Variants in MGAT4C observed in about 807,000 individuals in gnomAD.
MGAT4C encodes the protein alpha-1,3-mannosyl-glycoprotein 4-beta-N-acetylglucosaminyltransferase C.
In MGAT4C, 19 loss-of-function variants were observed where a neutral mutation model predicts 40.1. The ratio of observed to expected loss-of-function variants is 0.47; its 90% confidence interval spans 0.33 to 0.70. The LOEUF is 0.70. Ranked by LOEUF, MGAT4C falls within the 30% of genes least tolerant of loss-of-function variation. The pLI is 0.02. For missense variants in MGAT4C, 491 were observed against 563.2 expected (o/e 0.87, Z 1.30); for synonymous variants, 181 against 187.1 (o/e 0.97, Z 0.27).
intron 4 of MGAT4C, among the ~76,000 whole-genome samples, chr12:86,285,586 A>C (rs1356281642): frequency 6.6e-6 from 1 of 152,034 alleles, no homozygotes; most frequent in African/African-American, 2.4e-5. Flanking sequence ...ATGAGGGAGC[A>C]ACACATTTGC....
intron 2 of MGAT4C, among the ~76,000 whole-genome samples, chr12:86,505,718 T>C (rs1163647426): frequency 6.6e-6 from 1 of 152,246 alleles, no homozygotes; most frequent in Admixed American, 6.6e-5. Context: ...GGTTCATTTG[T>C]ATGTACTGGA....
chr12:86,452,245 T>C (rs1397933843), intron 2 of MGAT4C, among the ~76,000 whole-genome samples: 1 of 151,850 alleles, frequency 6.6e-6, no homozygotes, highest in East Asian at 1.9e-4. Context: ...CTAGGGTACA[T>C]GTGCACAACG....
At chr12:86,207,647 C>T (rs764634887) in intron 1 of MGAT4C, among the ~76,000 whole-genome samples, 3 of 152,062 alleles carry the variant, frequency 2.0e-5, no homozygotes, top group Non-Finnish European at 4.4e-5. Context: ...ATACTATATT[C>T]GATTATGAGT....
At chr12:86,076,452 C>G (rs539353489) in intron 1 of MGAT4C, among the ~76,000 whole-genome samples, 1 of 152,306 alleles carries the variant, frequency 6.6e-6, no homozygotes, top group African/African-American at 2.4e-5. Flanking sequence ...TCCACAGTTT[C>G]AGGTATCTTT....
intron 2 of MGAT4C, among the ~76,000 whole-genome samples, chr12:86,490,610 T>C (rs998204023): frequency 3.3e-5 from 5 of 152,048 alleles, no homozygotes; most frequent in Admixed American, 3.3e-4. Flanking sequence ...AATGCTCCAA[T>C]TAAAAGACAC....
chr12:86,432,613 T>C (rs929443606), intron 3 of MGAT4C, among the ~76,000 whole-genome samples: 10 of 152,048 alleles, frequency 6.6e-5, no homozygotes, highest in African/African-American at 2.4e-4. Context: ...CTTTGTAGAT[T>C]TGTAGGCAAA....
At chr12:86,694,034 G>A (rs975219314) in intron 2 of MGAT4C, among the ~76,000 whole-genome samples, 25 of 152,198 alleles carry the variant, frequency 1.6e-4, no homozygotes, top group East Asian at 1.3e-3. Context: ...AAAATAAGGA[G>A]GAATACACTT....
chr12:86,666,758 C>G (rs1156476402), intron 2 of MGAT4C, among the ~76,000 whole-genome samples: 1 of 152,116 alleles, frequency 6.6e-6, no homozygotes, highest in Non-Finnish European at 1.5e-5. Flanking sequence ...GCACACCGAC[C>G]AATCTTTCTG....
chr12:85,969,799 T>C lies in MGAT4C; in HGVS notation c.*9490A>G, dbSNP rs1883533607. On this transcript the variant is annotated 3_prime_UTR_variant, in exon 5 of 5. Transcript: ENST00000611864. ...TGCTCTCTCTTTCATTTATTAGTTA[T>C]GTGACCTTGGACAAGTTAGTAAAAC... 1 of 151,446 alleles carries C rather than the reference T, an allele frequency of 6.6e-6. No homozygotes were observed. Among genetic ancestry groups the C allele is most frequent in the South Asian group, 2.1e-4 (1 of 4,828 alleles). The allele number at this position is 151,446 out of a possible 1,614,324, so 9.4% of individuals were successfully genotyped here. A position where few individuals can be genotyped will look rare whatever the true frequency, so the allele number is the denominator to read the frequency against.
intron 2 of MGAT4C, among the ~76,000 whole-genome samples, chr12:86,594,930 CT>C (rs1961474929): frequency 6.6e-6 from 1 of 152,138 alleles, no homozygotes; most frequent in Admixed American, 6.5e-5. Context: ...CTGTGGCCTC[CT>C]GTAAATTTTA....
chr12:86,084,731 A>G (rs1034630728), intron 1 of MGAT4C, among the ~76,000 whole-genome samples: 1 of 151,924 alleles, frequency 6.6e-6, no homozygotes, highest in East Asian at 1.9e-4. Flanking sequence ...ATTAAAAAAA[A>G]AAAGCAAAAG....
chr12:86,489,184 G>C (rs1204007117), intron 2 of MGAT4C, among the ~76,000 whole-genome samples: 1 of 152,176 alleles, frequency 6.6e-6, no homozygotes, highest in Non-Finnish European at 1.5e-5. Context: ...TTCAGAGACA[G>C]TGGCTGGTTG....
At chr12:86,341,357 C>G (rs550755950) in intron 3 of MGAT4C, among the ~76,000 whole-genome samples, 1 of 152,160 alleles carries the variant, frequency 6.6e-6, no homozygotes, top group Non-Finnish European at 1.5e-5. Context: ...TACATGGAGT[C>G]TCAGCAGAGC....
chr12:86,567,440 C>T (rs10858440), intron 2 of MGAT4C, among the ~76,000 whole-genome samples: 134,456 of 152,160 alleles, frequency 0.88, 59,654 homozygotes, highest in East Asian at 1. Context: ...GCTAGGATGA[C>T]TGACCTGGAT....
At chr12:86,139,738 C>T (rs764703447) in intron 1 of MGAT4C, among the ~76,000 whole-genome samples, 5 of 151,900 alleles carry the variant, frequency 3.3e-5, no homozygotes, top group East Asian at 3.9e-4. Flanking sequence ...AGAAAAAAAA[C>T]GGTTCTTTGA....
intron 3 of MGAT4C, among the ~76,000 whole-genome samples, chr12:86,426,814 G>A (rs1956934547): frequency 1.3e-5 from 2 of 152,156 alleles, no homozygotes; most frequent in African/African-American, 2.4e-5. Flanking sequence ...AGGTGTGGTG[G>A]CGGGCGCCTG....
Position 86,777,670 on chromosome 12 carries a change from T to C in MGAT4C, c.-261-50429A>G, listed in dbSNP as rs79286414. On this transcript the variant is annotated intron_variant, in intron 1 of 7. Transcript: ENST00000548651. ...ATAGAGGAACAGGAGAACTGAAATA[T>C]ATAGTGAAGGAAACATGCATTTCAG... Among the ~76,000 whole-genome samples the C allele has an allele frequency of 9.5e-3, 1,443 of 152,246 alleles. 11 individuals carry two copies. Among genetic ancestry groups the C allele is most frequent in the Middle Eastern group, 0.017 (5 of 294 alleles).
chr12:86,073,381 T>C (rs1868987230), intron 1 of MGAT4C, among the ~76,000 whole-genome samples: 1 of 152,108 alleles, frequency 6.6e-6, no homozygotes, highest in South Asian at 2.1e-4. Flanking sequence ...ATACCATAGA[T>C]TGGGGTGCTG....
At chr12:86,749,806 C>T (rs1033704685) in intron 1 of MGAT4C, among the ~76,000 whole-genome samples, 2 of 151,676 alleles carry the variant, frequency 1.3e-5, no homozygotes, top group Non-Finnish European at 3.0e-5. Flanking sequence ...AATAGAGTCC[C>T]ATTTAGCTAG....
Sources: allele counts gnomAD v4.1 joint callset (sites outside exome capture counted in the v4.1 genomes callset), GRCh38; gene constraint gnomAD v4.1.1; transcripts MANE v1.5; gene names NCBI Gene and HGNC (gene_info 2026-07-23, HGNC 2026-07-21).